NLGN1: variants seen among roughly 807,000 people sequenced by gnomAD.
The protein encoded by NLGN1 is neuroligin-1.
A neutral mutation model predicts 65.5 loss-of-function variants in NLGN1; 12 were observed. That is an observed-to-expected ratio of 0.18 (90% CI 0.12 to 0.30). The LOEUF is 0.30. NLGN1 is among the 10% of genes least tolerant of loss of function. The pLI, the probability that NLGN1 is intolerant of heterozygous loss-of-function variation, is 1.00. For missense variants in NLGN1, 750 were observed against 1,007.1 expected (o/e 0.74, Z 3.46); for synonymous variants, 350 against 359.5 (o/e 0.97, Z 0.30).
At chr3:173,514,805 C>T (rs1421159564) in intron 2 of NLGN1, among the ~76,000 whole-genome samples, 1 of 152,180 alleles carries the variant, frequency 6.6e-6, no homozygotes, top group Non-Finnish European at 1.5e-5. Context: ...AATGTCCTTA[C>T]TTTAATCCAT....
chr3:173,883,169 A>G (rs977464845), intron 4 of NLGN1, among the ~76,000 whole-genome samples: 1 of 151,720 alleles, frequency 6.6e-6, no homozygotes, highest in Non-Finnish European at 1.5e-5. Flanking sequence ...GGTTTTGATT[A>G]AAGTGAGACA....
intron 3 of NLGN1, among the ~76,000 whole-genome samples, chr3:173,744,317 A>G (rs1326237718): frequency 1.3e-5 from 2 of 152,134 alleles, no homozygotes; most frequent in African/African-American, 4.8e-5. Context: ...CTTCCTTTAC[A>G]CAACATTTAT....
chr3:173,935,262 G>A (rs1256427165), intron 4 of NLGN1, among the ~76,000 whole-genome samples: 2 of 151,796 alleles, frequency 1.3e-5, no homozygotes, highest in Admixed American at 6.6e-5. Flanking sequence ...ACTATCTGGG[G>A]GTTATAAAGG....
intron 4 of NLGN1, among the ~76,000 whole-genome samples, chr3:174,186,331 T>C (rs1731394546): frequency 1.3e-5 from 2 of 152,092 alleles, no homozygotes; most frequent in African/African-American, 4.8e-5. Flanking sequence ...TTTGACTCTT[T>C]TACTATTTTC....
At chr3:173,564,944 AATATAGTG>A (rs1369685839) in intron 2 of NLGN1, among the ~76,000 whole-genome samples, 1 of 152,172 alleles carries the variant, frequency 6.6e-6, no homozygotes, top group Non-Finnish European at 1.5e-5. Flanking sequence ...GGACACTGAG[AATATAGTG>A]ATAAGCAAAA....
rs369346467 is a variant in NLGN1 at position 174,086,217 on chromosome 3, A to G, written c.647-189098A>G. 3.2e-4 allele frequency among the ~76,000 whole-genome samples: 47 copies of G among 147,732 alleles called. No homozygotes were observed. The East Asian group carries it at 8.7e-3, about 27-fold the overall frequency. On this transcript the variant is annotated intron_variant, in intron 4 of 6. Coordinates refer to ENST00000457714, the Ensembl canonical transcript of NLGN1. ...TGTGTGTGTGTGTGCGTGTGTGTGT[A>G]TATTTATGTATGTGCACATATATAT...
intron 4 of NLGN1, among the ~76,000 whole-genome samples, chr3:174,123,566 A>C (rs1718229354): frequency 6.6e-6 from 1 of 152,014 alleles, no homozygotes; most frequent in Non-Finnish European, 1.5e-5. Flanking sequence ...AAGCAGTCAT[A>C]GTGTATTATC....
chr3:174,083,376 A>G (rs1027759672), intron 4 of NLGN1, among the ~76,000 whole-genome samples: 3 of 152,140 alleles, frequency 2.0e-5, no homozygotes, highest in South Asian at 2.1e-4. Flanking sequence ...ATTTATATAT[A>G]TAATGAAACT....
intron 3 of NLGN1, among the ~76,000 whole-genome samples, chr3:173,709,305 A>AG (rs1331344429): frequency 8.5e-5 from 13 of 152,184 alleles, no homozygotes; most frequent in African/African-American, 2.9e-4. Flanking sequence ...AAGAGGGAAA[A>AG]GAGAACAATG....
chr3:173,796,184 G>A lies in NLGN1; in HGVS notation c.494-11496G>A, dbSNP rs1031026001. ...GAAGGAATTTATAATCAGTTCTAAT[G>A]TATTTGAGACCCAAAGTATATTAGC... On this transcript the variant is annotated intron_variant, in intron 3 of 6. Coordinates refer to ENST00000457714, the Ensembl canonical transcript of NLGN1. Among the ~76,000 whole-genome samples the A allele has an allele frequency of 9.2e-5, 14 of 152,204 alleles. No individual in the cohort carries two copies. In the East Asian group the frequency reaches 2.7e-3, roughly 29 times the overall value.
chr3:173,507,153 T>C (rs1414624870), intron 2 of NLGN1, among the ~76,000 whole-genome samples: 1 of 152,114 alleles, frequency 6.6e-6, no homozygotes, highest in Admixed American at 6.6e-5. Context: ...TCACTTCTGC[T>C]GTAGGGAATA....
intron 4 of NLGN1, among the ~76,000 whole-genome samples, chr3:174,052,284 A>G (rs1175802220): frequency 1.3e-5 from 2 of 152,078 alleles, no homozygotes; most frequent in Non-Finnish European, 2.9e-5. Context: ...AGACAAATTC[A>G]GATGATTTGG....
At chr3:174,256,082 G>A (rs1326724927) in intron 4 of NLGN1, among the ~76,000 whole-genome samples, 1 of 152,194 alleles carries the variant, frequency 6.6e-6, no homozygotes, top group African/African-American at 2.4e-5. Context: ...AGTTCATTAA[G>A]TTACATGCTC....
At chr3:173,409,370 C>A (rs983540081) in intron 1 of NLGN1, among the ~76,000 whole-genome samples, 1 of 152,132 alleles carries the variant, frequency 6.6e-6, no homozygotes, top group Non-Finnish European at 1.5e-5. Flanking sequence ...GAAACAATCA[C>A]TTTTCTTGGA....
rs1335084071 is a variant in NLGN1, at chr3:174,181,778, T to TACACATACACAC, written c.647-93532_647-93531insTACACACACACA. On this transcript the variant is annotated intron_variant, in intron 4 of 6. Coordinates refer to ENST00000457714, the Ensembl canonical transcript of NLGN1. ...ACCCTGTCTCTCCAAAAAATAAAAA[T>TACACATACACAC]ACACACACACACACACACACACACA... 4.6e-4 allele frequency among the ~76,000 whole-genome samples: 66 copies of TACACATACACAC among 142,680 alleles called. No individual in the cohort carries two copies. The Middle Eastern group carries it at 0.014, about 31-fold the overall frequency. 93.6% of individuals were successfully genotyped at this position (142,680 alleles called of 152,430 possible). A position where few individuals can be genotyped will look rare whatever the true frequency, so the allele number is the denominator to read the frequency against.
chr3:173,845,942 G>A (rs552484685), intron 4 of NLGN1, among the ~76,000 whole-genome samples: 154 of 151,916 alleles, frequency 1.0e-3, no homozygotes, highest in Non-Finnish European at 1.7e-3. Flanking sequence ...TCTCTAGGAT[G>A]GTAATTTCCA....
At chr3:173,731,248 A>G (rs1425874991) in intron 3 of NLGN1, among the ~76,000 whole-genome samples, 1 of 152,246 alleles carries the variant, frequency 6.6e-6, no homozygotes, top group East Asian at 1.9e-4. Context: ...TAAGTTGTAT[A>G]CATTTGTTAA....
At chr3:173,767,026 A>G (rs921132718) in intron 3 of NLGN1, among the ~76,000 whole-genome samples, 1 of 152,218 alleles carries the variant, frequency 6.6e-6, no homozygotes, top group Non-Finnish European at 1.5e-5. Flanking sequence ...TAATGATAAC[A>G]TAAATAGTAA....
At chr3:173,991,811 GTTGT>G (rs945976500) in intron 4 of NLGN1, among the ~76,000 whole-genome samples, 5 of 151,872 alleles carry the variant, frequency 3.3e-5, no homozygotes, top group African/African-American at 9.7e-5. Context: ...TGTTGTTGTT[GTTGT>G]TTGTTTGTTT....
Sources: allele counts gnomAD v4.1 joint callset (sites outside exome capture counted in the v4.1 genomes callset), GRCh38; gene constraint gnomAD v4.1.1; transcripts MANE v1.5; gene names NCBI Gene and HGNC (gene_info 2026-07-23, HGNC 2026-07-21).